MGAT4C: variants seen among roughly 807,000 people sequenced by gnomAD.
MGAT4C encodes the protein alpha-1,3-mannosyl-glycoprotein 4-beta-N-acetylglucosaminyltransferase C.
A neutral mutation model predicts 40.1 loss-of-function variants in MGAT4C; 19 were observed. That is an observed-to-expected ratio of 0.47 (90% CI 0.33 to 0.70). The LOEUF (loss-of-function observed/expected upper bound fraction) is 0.70, where lower values mean the gene tolerates loss of function less well. Among genes scored for constraint, MGAT4C ranks in the 30% least tolerant of loss-of-function variants. The pLI is 0.02. For synonymous variants in MGAT4C, 181 were observed against 187.1 expected (o/e 0.97, Z 0.27); for missense variants, 491 against 563.2 (o/e 0.87, Z 1.30).
Position 86,049,733 on chromosome 12 carries a change from AG to A in MGAT4C, c.-56-11del. 1 of 964,640 alleles carries A rather than the reference AG, an allele frequency of 1.0e-6. No homozygotes were observed. The highest frequency in any genetic ancestry group is 1.2e-6 in the Non-Finnish European group (1 of 810,760). The allele number at this position is 964,640 out of a possible 1,614,324, so 59.8% of individuals were successfully genotyped here. A position where few individuals can be genotyped will look rare whatever the true frequency, so the allele number is the denominator to read the frequency against. ...AGAAACCGTTGATACCCTGGAAAAA[AG>A]AAAGTCTAATATTACTAATACAACC... is the stretch of plus-strand genomic sequence containing the variant. On this transcript the variant is annotated splice_polypyrimidine_tract_variant and intron_variant, in intron 1 of 4. Coordinates refer to ENST00000611864, the MANE Select transcript of MGAT4C (RefSeq NM_001351288.2).
At chr12:86,697,818 T>C (rs1950283986) in intron 2 of MGAT4C, among the ~76,000 whole-genome samples, 1 of 151,994 alleles carries the variant, frequency 6.6e-6, no homozygotes, top group South Asian at 2.1e-4. Context: ...ATACTGAAGG[T>C]TATATAATAA....
At chr12:86,660,524 C>G (rs998437548) in intron 2 of MGAT4C, among the ~76,000 whole-genome samples, 2 of 152,182 alleles carry the variant, frequency 1.3e-5, no homozygotes, top group South Asian at 4.2e-4. Context: ...GGAAAGAGAT[C>G]TAACCTGGGA....
chr12:86,029,517 C>T (rs1170075720), intron 2 of MGAT4C, among the ~76,000 whole-genome samples: 1 of 151,980 alleles, frequency 6.6e-6, no homozygotes, highest in African/African-American at 2.4e-5. Flanking sequence ...GTTTCAGCTT[C>T]TTTCCTTAGT....
chr12:86,285,266 G>A (rs1953324418), intron 4 of MGAT4C, among the ~76,000 whole-genome samples: 1 of 151,942 alleles, frequency 6.6e-6, no homozygotes, highest in South Asian at 2.1e-4. Context: ...GTAAGGGCCT[G>A]TTAAGAGAGC....
At chr12:86,479,407 G>T (rs1957896463) in intron 2 of MGAT4C, among the ~76,000 whole-genome samples, 1 of 151,878 alleles carries the variant, frequency 6.6e-6, no homozygotes, top group African/African-American at 2.4e-5. Context: ...TGGGTAAAGT[G>T]AGTAGGGCTG....
At chr12:86,772,924 T>C (rs1565980246) in intron 1 of MGAT4C, among the ~76,000 whole-genome samples, 1 of 152,110 alleles carries the variant, frequency 6.6e-6, no homozygotes, top group Non-Finnish European at 1.5e-5. Context: ...CAAATGGCAT[T>C]TAAATGAGAT....
intron 2 of MGAT4C, among the ~76,000 whole-genome samples, chr12:86,656,721 G>T (rs373356943): frequency 1.3e-5 from 2 of 151,892 alleles, no homozygotes; most frequent in Admixed American, 1.3e-4. Flanking sequence ...TTTTTTTGTG[G>T]AGTAATAGAA....
chr12:86,026,404 A>G (rs1890249244), intron 2 of MGAT4C, among the ~76,000 whole-genome samples: 1 of 151,714 alleles, frequency 6.6e-6, no homozygotes, highest in African/African-American at 2.4e-5. Flanking sequence ...ACGTTGAACC[A>G]TATCATGTTT....
intron 3 of MGAT4C, among the ~76,000 whole-genome samples, chr12:86,335,484 C>T (rs760653936): frequency 7.9e-5 from 12 of 152,064 alleles, no homozygotes; most frequent in Non-Finnish European, 1.2e-4. Context: ...CCTGATAACA[C>T]TGGCAAATCC....
intron 2 of MGAT4C, among the ~76,000 whole-genome samples, chr12:86,457,885 C>CT (rs1405393452): frequency 6.6e-6 from 1 of 151,898 alleles, no homozygotes; most frequent in East Asian, 1.9e-4. Flanking sequence ...ACTTCATGTG[C>CT]TTCAGTATGG....
At chr12:86,580,925 C>T (rs149238568) in intron 2 of MGAT4C, among the ~76,000 whole-genome samples, 3 of 151,504 alleles carry the variant, frequency 2.0e-5, no homozygotes, top group African/African-American at 4.8e-5. Context: ...TAAACCAGAA[C>T]GTATGGTTAG....
chr12:86,381,218 T>G (rs1186458267), intron 3 of MGAT4C, among the ~76,000 whole-genome samples: 2 of 151,992 alleles, frequency 1.3e-5, no homozygotes, highest in Non-Finnish European at 2.9e-5. Context: ...ACAGGATAGA[T>G]TAAAAAAACC....
chr12:86,500,220 CAT>C (rs760022608), intron 2 of MGAT4C, among the ~76,000 whole-genome samples: 23 of 151,716 alleles, frequency 1.5e-4, no homozygotes, highest in Admixed American at 4.6e-4. Flanking sequence ...TACACACACA[CAT>C]ATCATATATT....
chr12:86,033,114 T>C (rs1890910233), intron 2 of MGAT4C, among the ~76,000 whole-genome samples: 2 of 149,528 alleles, frequency 1.3e-5, no homozygotes, highest in South Asian at 2.1e-4. Context: ...ATTCTGTTCC[T>C]TGGTCTATGT....
At position 86,178,094 on chromosome 12, in the gene MGAT4C, G is replaced by T. The variant is rs1160188923; in HGVS notation, c.-57+78145C>A. Among the ~76,000 whole-genome samples, 4 of 152,124 alleles carry T rather than the reference G, an allele frequency of 2.6e-5. No homozygotes were observed. The East Asian group carries it at 7.8e-4, about 30-fold the overall frequency. On this transcript the variant is annotated intron_variant, in intron 1 of 4. Coordinates refer to ENST00000611864, the MANE Select transcript of MGAT4C (RefSeq NM_001351288.2). Reference sequence around the variant, plus strand: ...TGGGACTACAGGTGCCCACCACCATGCCCGGCTAATTTTTTGTATTTTTGG... The same window carrying T: ...TGGGACTACAGGTGCCCACCACCATTCCCGGCTAATTTTTTGTATTTTTGG...
intron 4 of MGAT4C, among the ~76,000 whole-genome samples, chr12:86,279,633 AATTTT>A (rs1953164030): frequency 6.9e-6 from 1 of 145,134 alleles, no homozygotes; most frequent in Non-Finnish European, 1.5e-5. Flanking sequence ...TCTTCATTTT[AATTTT>A]ATTTATTTCT....
At chr12:86,171,989 C>T (rs1886904967) in intron 1 of MGAT4C, among the ~76,000 whole-genome samples, 1 of 152,134 alleles carries the variant, frequency 6.6e-6, no homozygotes, top group African/African-American at 2.4e-5. Flanking sequence ...CTTTATAATC[C>T]AGCTCTTCAG....
intron 2 of MGAT4C, among the ~76,000 whole-genome samples, chr12:86,488,119 C>A (rs963538249): frequency 2.6e-5 from 4 of 151,992 alleles, no homozygotes; most frequent in Non-Finnish European, 5.9e-5. Flanking sequence ...CATAGTGGCT[C>A]ATGCTTGTTA....
chr12:86,800,862 T>G (rs960761118), intron 1 of MGAT4C, among the ~76,000 whole-genome samples: 3 of 151,868 alleles, frequency 2.0e-5, no homozygotes, highest in Admixed American at 6.6e-5. Context: ...TATATTTGCC[T>G]TACCCAATTT....
Sources: gnomAD v4.1 joint callset for allele counts (sites outside exome capture counted in the v4.1 genomes callset) on GRCh38, gnomAD v4.1.1 for gene constraint, MANE v1.5 for transcripts, NCBI Gene and HGNC (gene_info 2026-07-23, HGNC 2026-07-21) for gene names.